The following PCDH7 variants were observed in gnomAD, a reference collection of about 807,000 sequenced individuals.
PCDH7 encodes protocadherin-7.
Under a neutral mutation model 58.9 loss-of-function variants are expected in PCDH7, and 17 were observed. The ratio of observed to expected loss-of-function variants is 0.29; its 90% CI spans 0.20 to 0.43. PCDH7 has a LOEUF of 0.43. Ranked by LOEUF, PCDH7 falls within the 20% of genes least tolerant of loss-of-function variation. The pLI is 1.00. For synonymous variants in PCDH7, 664 were observed against 616.4 expected (o/e 1.08, Z -1.14); for missense variants, 1,274 against 1,441.0 (o/e 0.88, Z 1.88).
At chr4:30,956,239 A>C (rs1747855612) in intron 3 of PCDH7, among the ~76,000 whole-genome samples, 1 of 152,014 alleles carries the variant, frequency 6.6e-6, no homozygotes, top group Non-Finnish European at 1.5e-5. Context: ...AAAAAAAAAA[A>C]AAGTGAATTC....
rs1578911849 is a variant in PCDH7 at position 31,142,933 on chromosome 4, T to G, written c.*468T>G. On this transcript the variant is annotated 3_prime_UTR_variant, in exon 4 of 4. Coordinates refer to the PCDH7 transcript ENST00000509759. Reference sequence around the variant, plus strand: ...AAACCTTACAAAGCAAAACGTTTAATCACAAAGAGGGGGCTACCAAAGAGA... The same window carrying G: ...AAACCTTACAAAGCAAAACGTTTAAGCACAAAGAGGGGGCTACCAAAGAGA... 7 of 1,055,874 alleles carry G rather than the reference T, an allele frequency of 6.6e-6. No individual in the cohort carries two copies. The East Asian group carries it at 3.4e-4, about 52-fold the overall frequency. 65.4% of individuals were successfully genotyped at this position (1,055,874 alleles called of 1,614,324 possible).
intron 3 of PCDH7, among the ~76,000 whole-genome samples, chr4:30,982,251 G>C (rs534138484): frequency 6.6e-6 from 1 of 152,130 alleles, no homozygotes; most frequent in Non-Finnish European, 1.5e-5. Context: ...GTGCCAAGGG[G>C]AGTGTGAAGG....
At chr4:31,042,871 T>C (rs577208465) in intron 3 of PCDH7, among the ~76,000 whole-genome samples, 1 of 152,236 alleles carries the variant, frequency 6.6e-6, no homozygotes, top group South Asian at 2.1e-4. Flanking sequence ...AACATATTTA[T>C]TATCGTTCTA....
intron 1 of PCDH7, among the ~76,000 whole-genome samples, chr4:30,897,273 A>C (rs1326657250): frequency 6.6e-6 from 1 of 152,110 alleles, no homozygotes; most frequent in Non-Finnish European, 1.5e-5. Context: ...CAAACATTGA[A>C]AGTGCTTCGA....
chr4:31,049,905 T>C (rs896508151), intron 3 of PCDH7, among the ~76,000 whole-genome samples: 17 of 152,170 alleles, frequency 1.1e-4, no homozygotes, highest in Non-Finnish European at 2.1e-4. Flanking sequence ...GGGATGGGAT[T>C]ATCTCTGCAG....
intron 3 of PCDH7, among the ~76,000 whole-genome samples, chr4:31,050,924 T>C (rs192127819): frequency 1.3e-5 from 2 of 152,278 alleles, no homozygotes; most frequent in East Asian, 3.9e-4. Context: ...TATAGCTAGG[T>C]TCTCTGCTTC....
rs376305636 is a variant in PCDH7 at position 30,996,199 on chromosome 4, G to A, written c.*7+45984G>A. ...CCTTTTGATACTAATTTTCCTTATC[G>A]TCTAACACATGCTGACTATCTCACC... On this transcript the variant is annotated intron_variant, in intron 3 of 3. Coordinates refer to the PCDH7 transcript ENST00000509759. Among the ~76,000 whole-genome samples, 42 of 151,516 alleles carry A rather than the reference G, an allele frequency of 2.8e-4. No individual in the cohort carries two copies. In the East Asian group the frequency reaches 3.9e-3, roughly 14 times the overall value.
At chr4:31,038,188 C>T (rs1755567422) in intron 3 of PCDH7, among the ~76,000 whole-genome samples, 1 of 151,974 alleles carries the variant, frequency 6.6e-6, no homozygotes, top group African/African-American at 2.4e-5. Flanking sequence ...GGGAAGAGTT[C>T]CGAGGAGATT....
At chr4:31,004,363 A>T (rs1461728959) in intron 3 of PCDH7, among the ~76,000 whole-genome samples, 1 of 152,132 alleles carries the variant, frequency 6.6e-6, no homozygotes, top group Non-Finnish European at 1.5e-5. Flanking sequence ...TGCTTTATTT[A>T]CTAACCTAGG....
intron 1 of PCDH7, among the ~76,000 whole-genome samples, chr4:30,843,178 C>T (rs192974830): frequency 9.2e-5 from 14 of 151,770 alleles, no homozygotes; most frequent in Admixed American, 7.9e-4. Context: ...CTTCACATTC[C>T]ATCTTTCGAA....
At chr4:30,808,413 GT>G (rs1259491142) in intron 1 of PCDH7, among the ~76,000 whole-genome samples, 1 of 152,000 alleles carries the variant, frequency 6.6e-6, no homozygotes, top group Admixed American at 6.6e-5. Flanking sequence ...TTTCTCTGCT[GT>G]TTTTTTCTTC....
chr4:30,958,574 GA>G (rs925419895), intron 3 of PCDH7, among the ~76,000 whole-genome samples: 14 of 151,582 alleles, frequency 9.2e-5, no homozygotes, highest in South Asian at 6.2e-4. Context: ...AATATCATAA[GA>G]AAAAAATCTT....
In PCDH7 at chr4:30,879,668, T is replaced by C. The variant is rs376413886; in HGVS notation, c.71-40485T>C. On this transcript the variant is annotated intron_variant, in intron 1 of 3. Coordinates refer to the PCDH7 transcript ENST00000509759. ...TAAAGCAATTATCGCCATGATGATATGCAATATTGAGCAGATTATATCATG... is the reference window on the plus strand; with the variant it reads ...TAAAGCAATTATCGCCATGATGATACGCAATATTGAGCAGATTATATCATG... Among the ~76,000 whole-genome samples the C allele has an allele frequency of 2.2e-4, 33 of 152,310 alleles. No individual in the cohort carries two copies. In the East Asian group the frequency reaches 6.0e-3, roughly 28 times the overall value.
At chr4:30,773,429 T>C (rs1479259942) in intron 1 of PCDH7, among the ~76,000 whole-genome samples, 1 of 152,214 alleles carries the variant, frequency 6.6e-6, no homozygotes, top group Non-Finnish European at 1.5e-5. Flanking sequence ...AGTAGCATCA[T>C]GGACCTCTCA....
intron 1 of PCDH7, among the ~76,000 whole-genome samples, chr4:30,824,025 A>G (rs1728704155): frequency 6.6e-6 from 1 of 152,178 alleles, no homozygotes; most frequent in African/African-American, 2.4e-5. Flanking sequence ...TAGCAAAGGC[A>G]GAGCCACTCT....
chr4:30,726,141 G>A (rs2109231604), intron 1 of PCDH7, among the ~76,000 whole-genome samples: 1 of 152,104 alleles, frequency 6.6e-6, no homozygotes, highest in Non-Finnish European at 1.5e-5. Context: ...TTTTTGTGTT[G>A]TTTTGGTGCT....
At chr4:30,993,904 A>C (rs946971492) in intron 3 of PCDH7, among the ~76,000 whole-genome samples, 1 of 152,186 alleles carries the variant, frequency 6.6e-6, no homozygotes, top group Non-Finnish European at 1.5e-5. Context: ...ATAAATTCAC[A>C]GTTCATAACA....
chr4:30,876,046 A>C (rs538822454), intron 1 of PCDH7, among the ~76,000 whole-genome samples: 4 of 152,258 alleles, frequency 2.6e-5, no homozygotes, highest in Non-Finnish European at 5.9e-5. Context: ...TAATATGTCT[A>C]AGTACTGATG....
chr4:30,844,502 T>A (rs887369223), intron 1 of PCDH7, among the ~76,000 whole-genome samples: 2 of 152,180 alleles, frequency 1.3e-5, no homozygotes, highest in African/African-American at 4.8e-5. Context: ...TGCTTTCTTT[T>A]TCATACTTGG....
Sources: allele counts gnomAD v4.1 joint callset (sites outside exome capture counted in the v4.1 genomes callset), GRCh38; gene constraint gnomAD v4.1.1; transcripts MANE v1.5; gene names NCBI Gene and HGNC (gene_info 2026-07-23, HGNC 2026-07-21).